ESCO1: variants seen among roughly 807,000 people sequenced by gnomAD.
ESCO1 encodes the protein N-acetyltransferase ESCO1.
A neutral mutation model predicts 83.5 loss-of-function variants in ESCO1; 33 were observed. That is an observed-to-expected ratio of 0.40 (90% CI 0.30 to 0.53). ESCO1 has a LOEUF of 0.53. Ranked by LOEUF, ESCO1 falls within the 20% of genes least tolerant of loss-of-function variation. The pLI, the probability that ESCO1 is intolerant of heterozygous loss-of-function variation, is 0.63. For missense variants in ESCO1, 855 were observed against 968.0 expected (o/e 0.88, Z 1.55); for synonymous variants, 332 against 324.3 (o/e 1.02, Z -0.25).
At chr18:21,566,950 T>G (rs2146204167) in intron 5 of ESCO1, among the ~76,000 whole-genome samples, 1 of 152,296 alleles carries the variant, frequency 6.6e-6, no homozygotes, top group South Asian at 2.1e-4. Context: ...TAAATGCATT[T>G]CTCATATTTA....
At position 21,574,307 on chromosome 18, in the gene ESCO1, T is replaced by C; in HGVS notation, c.537A>G (p.Val179=). 6.2e-7 allele frequency: 1 copy of C among 1,613,876 alleles called. No individual in the cohort carries two copies. Among genetic ancestry groups the C allele is most frequent in the Non-Finnish European group, 8.5e-7 (1 of 1,180,002 alleles). ...CTTTAGAGTCAGACTTTACTTCCAG[T>C]ACTTTTCTCTTCACATGTTTTTGAC... ...KTSQKHVKRK[V]LEVKSDSKED... is the part of the protein sequence containing the mutation. Residue 179 remains valine (V), a synonymous_variant, in exon 4 of 12, where the codon GTA becomes GTG. Transcript: ENST00000269214.
chr18:21,575,161 CTGTTT>C lies in ESCO1; in HGVS notation c.-323_-319del, dbSNP rs987654849. On this transcript the variant is annotated 5_prime_UTR_variant, in exon 4 of 12. Coordinates refer to ENST00000269214, the MANE Select transcript of ESCO1 (RefSeq NM_052911.3). ...AAAAGAAATTTAATTCAGGTTCAAT[CTGTTT>C]TGTTAATTTTTTAATTAATTTTGGT... 2.7e-6 allele frequency: 1 copy of C among 372,012 alleles called. No homozygotes were observed. The highest frequency in any genetic ancestry group is 4.5e-5 in the Admixed American group (1 of 22,226). 23.0% of individuals were successfully genotyped at this position (372,012 alleles called of 1,614,324 possible). A position where few individuals can be genotyped will look rare whatever the true frequency, so the allele number is the denominator to read the frequency against.
At chr18:21,531,430 T>C (rs980875219) in intron 11 of ESCO1, among the ~76,000 whole-genome samples, 1 of 151,622 alleles carries the variant, frequency 6.6e-6, no homozygotes, top group Non-Finnish European at 1.5e-5. Context: ...AGTGAGATGC[T>C]GTCTCCAAAA....
intron 11 of ESCO1, among the ~76,000 whole-genome samples, chr18:21,531,443 GA>G (rs927787265): frequency 6.6e-6 from 1 of 150,744 alleles, no homozygotes; most frequent in South Asian, 2.1e-4. Context: ...CTCCAAAAAA[GA>G]AAAAAAATAC....
At chr18:21,536,334 A>G in intron 9 of ESCO1, 149 bp from the exon 10 acceptor site, 2 of 892,240 alleles carry the variant, frequency 2.2e-6, no homozygotes, top group Non-Finnish European at 3.3e-6. Flanking sequence ...TCACACCTGT[A>G]ATCCTACCAC....
At chr18:21,556,413 T>A (rs2038112788) in intron 8 of ESCO1, among the ~76,000 whole-genome samples, 1 of 152,094 alleles carries the variant, frequency 6.6e-6, no homozygotes, top group South Asian at 2.1e-4. Flanking sequence ...AAATTTCACA[T>A]AAAAAAATAA....
chr18:21,536,956 C>A (rs1426643871), intron 9 of ESCO1, among the ~76,000 whole-genome samples: 4 of 152,164 alleles, frequency 2.6e-5, no homozygotes, highest in Non-Finnish European at 5.9e-5. Flanking sequence ...ATTCAAAGCA[C>A]TTTACAAATA....
chr18:21,531,923 G>C (rs934366694), intron 11 of ESCO1, among the ~76,000 whole-genome samples: 11 of 145,842 alleles, frequency 7.5e-5, no homozygotes, highest in Non-Finnish European at 1.6e-4. Context: ...AAAATTGGCT[G>C]ACCTAAAAAC....
At chr18:21,535,826 C>G (rs1438284528) in intron 10 of ESCO1, among the ~76,000 whole-genome samples, 1 of 152,198 alleles carries the variant, frequency 6.6e-6, no homozygotes, top group Non-Finnish European at 1.5e-5. Context: ...TGATGGTATT[C>G]TGATTCTACA....
chr18:21,550,049 AAAG>A (rs1336493658), intron 8 of ESCO1, among the ~76,000 whole-genome samples: 1 of 152,198 alleles, frequency 6.6e-6, no homozygotes, highest in African/African-American at 2.4e-5. Context: ...ATGTGTTTTT[AAAG>A]ACACTGAAAA....
In ESCO1 at chr18:21,560,898, C is replaced by T. The variant is rs201787791; in HGVS notation, c.1914G>A (p.Leu638=). Residue 638 remains leucine (L), a synonymous_variant, in exon 8 of 12, where the codon CTG becomes CTA. Transcript: ENST00000269214. ...CACTTATAAACTGGTTGTGGAAAAG[C>T]AGATGCTGTGTTTCATCTTCTGGAT... ...ASNPEDETQH[L]LFHNQFISAV... The T allele has an allele frequency of 3.1e-6, 5 of 1,602,226 alleles. No homozygotes were observed. Among genetic ancestry groups the T allele is most frequent in the East Asian group, 2.3e-5 (1 of 44,262 alleles).
intron 8 of ESCO1, among the ~76,000 whole-genome samples, chr18:21,553,817 G>C (rs1175169155): frequency 8.2e-5 from 12 of 145,764 alleles, no homozygotes; most frequent in African/African-American, 3.0e-4. Context: ...AGATTGTTGC[G>C]CCACTCACTG....
At chr18:21,560,705 A>T (rs1268596661) in intron 8 of ESCO1, among the ~76,000 whole-genome samples, 154 bp downstream of exon 8, 2 of 152,204 alleles carry the variant, frequency 1.3e-5, no homozygotes, top group Non-Finnish European at 2.9e-5. Context: ...CTTTGTTTTT[A>T]AAAAGCCAGT....
chr18:21,592,956 C>T (rs7504272), intron 1 of ESCO1: 77,984 of 158,996 alleles, frequency 0.49, 22,138 homozygotes, highest in Non-Finnish European at 0.64. Context: ...CCAGACGGGG[C>T]GGCAGGGCAG....
chr18:21,584,563 T>C (rs2038547444), intron 1 of ESCO1, 123 bp from the exon 2 acceptor site: 1 of 152,216 alleles, frequency 6.6e-6, no homozygotes, highest in South Asian at 2.1e-4. Flanking sequence ...TTGTAGCACT[T>C]TGGGAGGCAG....
At chr18:21,591,656 G>A (rs1041224418) in intron 1 of ESCO1, among the ~76,000 whole-genome samples, 3 of 139,830 alleles carry the variant, frequency 2.1e-5, no homozygotes, top group African/African-American at 7.5e-5. Context: ...GATCACCACA[G>A]ATGCTTTTTT....
At chr18:21,572,768 C>A (rs1187833191) in intron 4 of ESCO1, among the ~76,000 whole-genome samples, 1 of 151,936 alleles carries the variant, frequency 6.6e-6, no homozygotes, top group African/African-American at 2.4e-5. Flanking sequence ...AGTTCGAGAC[C>A]AGCCTGATCA....
intron 11 of ESCO1, 101 bp from the exon 12 acceptor site, chr18:21,530,591 G>C: frequency 1.7e-6 from 2 of 1,184,854 alleles, no homozygotes; most frequent in African/African-American, 3.2e-5. Flanking sequence ...AATACAATTT[G>C]ACTAAAAAAG....
At chr18:21,568,326 T>C (rs2038290909) in intron 4 of ESCO1, among the ~76,000 whole-genome samples, 1 of 152,162 alleles carries the variant, frequency 6.6e-6, no homozygotes, top group African/African-American at 2.4e-5. Flanking sequence ...GCATGCCTGT[T>C]GTCTCAGCTA....
Sources: gnomAD v4.1 joint callset for allele counts (sites outside exome capture counted in the v4.1 genomes callset) on GRCh38, gnomAD v4.1.1 for gene constraint, MANE v1.5 for transcripts, NCBI Gene and HGNC (gene_info 2026-07-23, HGNC 2026-07-21) for gene names.